The following CADM2 variants were observed in gnomAD, a reference collection of about 807,000 sequenced individuals.
The protein encoded by CADM2 is immunoglobulin superfamily member 4D.
In CADM2, 12 loss-of-function variants were observed where a neutral mutation model predicts 49.8. The observed-to-expected ratio is 0.24, with a 90% CI of 0.15 to 0.39. The LOEUF (loss-of-function observed/expected upper bound fraction) is 0.39, where lower values mean the gene tolerates loss of function less well. Ranked by LOEUF, CADM2 falls within the 10% of genes least tolerant of loss-of-function variation. The pLI is 1.00. For missense variants in CADM2, 378 were observed against 492.3 expected, an observed-to-expected ratio of 0.77 and a Z score of 2.20; for synonymous variants, 214 against 175.4, an observed-to-expected ratio of 1.22 and a Z score of -1.74.
chr3:86,023,850 A>T (rs1733527603), intron 8 of CADM2, among the ~76,000 whole-genome samples: 1 of 151,922 alleles, frequency 6.6e-6, no homozygotes, highest in Admixed American at 6.6e-5. Flanking sequence ...TCACTTCATC[A>T]CTCTGACATG....
rs1353574194 is a variant in CADM2 at position 84,959,244 on chromosome 3, A to G, written c.-364A>G. On this transcript the variant is annotated 5_prime_UTR_variant, in exon 1 of 10. Transcript: ENST00000383699. ...TGCAGCCCTCGCCCGCACCTTCTCC[A>G]ACACCCCGGCATCCCTGCACCACCT... is the stretch of plus-strand genomic sequence containing the variant. 3 of 381,628 alleles carry G rather than the reference A, an allele frequency of 7.9e-6. No individual in the cohort carries two copies. The South Asian group carries it at 8.7e-5, about 11-fold the overall frequency. The allele number at this position is 381,628 out of a possible 1,614,324, so 23.6% of individuals were successfully genotyped here.
At chr3:85,941,964 G>A (rs985788371) in intron 7 of CADM2, among the ~76,000 whole-genome samples, 5 of 151,976 alleles carry the variant, frequency 3.3e-5, no homozygotes, top group African/African-American at 4.8e-5. Flanking sequence ...TGCTGTAATC[G>A]TTTCAATTTT....
At chr3:85,394,711 A>C (rs918671642) in intron 1 of CADM2, among the ~76,000 whole-genome samples, 1 of 152,108 alleles carries the variant, frequency 6.6e-6, no homozygotes, top group African/African-American at 2.4e-5. Flanking sequence ...CATGATTTAG[A>C]TATTTATCAG....
intron 1 of CADM2, among the ~76,000 whole-genome samples, chr3:85,370,955 A>G (rs534035980): frequency 6.6e-6 from 1 of 152,018 alleles, no homozygotes; most frequent in Non-Finnish European, 1.5e-5. Flanking sequence ...ACAAAATGAA[A>G]CAAAAATTGT....
chr3:85,574,528 T>G (rs1456022517), intron 1 of CADM2, among the ~76,000 whole-genome samples: 1 of 152,150 alleles, frequency 6.6e-6, no homozygotes, highest in Non-Finnish European at 1.5e-5. Context: ...GGGCAAAAAG[T>G]GTTCCCTGGC....
chr3:85,738,348 C>G (rs118179953), intron 2 of CADM2, among the ~76,000 whole-genome samples: 1 of 152,150 alleles, frequency 6.6e-6, no homozygotes, highest in Non-Finnish European at 1.5e-5. Flanking sequence ...TAAAACATCA[C>G]TTTTCATGCA....
intron 1 of CADM2, among the ~76,000 whole-genome samples, chr3:85,163,381 A>T (rs1329292029): frequency 6.6e-6 from 1 of 152,134 alleles, no homozygotes; most frequent in Non-Finnish European, 1.5e-5. Context: ...TGGGCATCAG[A>T]AACATCGTGA....
intron 8 of CADM2, among the ~76,000 whole-genome samples, chr3:85,998,179 A>G (rs932793015): frequency 2.0e-5 from 3 of 152,156 alleles, no homozygotes; most frequent in Non-Finnish European, 4.4e-5. Context: ...AGAGAATCAT[A>G]GATACATAGA....
At chr3:85,530,914 A>ACAC (rs1559890350) in intron 1 of CADM2, among the ~76,000 whole-genome samples, 7 of 127,430 alleles carry the variant, frequency 5.5e-5, no homozygotes, top group East Asian at 2.3e-4. Context: ...ACACACACAC[A>ACAC]AAATTCATTA....
intron 8 of CADM2, among the ~76,000 whole-genome samples, chr3:86,016,290 A>G (rs936517747): frequency 3.3e-5 from 5 of 152,112 alleles, no homozygotes; most frequent in Non-Finnish European, 1.5e-5. Flanking sequence ...ACATCTACCT[A>G]TATCTTTTTA....
intron 6 of CADM2, among the ~76,000 whole-genome samples, chr3:85,929,210 G>A (rs1720292671): frequency 6.6e-6 from 1 of 151,976 alleles, no homozygotes; most frequent in Non-Finnish European, 1.5e-5. Flanking sequence ...TAGTAGAGCA[G>A]GAATAAATGT....
At chr3:85,586,473 G>A (rs945987632) in intron 1 of CADM2, among the ~76,000 whole-genome samples, 1 of 151,998 alleles carries the variant, frequency 6.6e-6, no homozygotes, top group Non-Finnish European at 1.5e-5. Context: ...AATTACAAGT[G>A]CAATATTTCA....
rs576226572 is a variant in CADM2, at chr3:85,422,706, G to A, written c.62-303816G>A. ...TTTTAGAGGTCATGTTGAAACGGGAGAGTTTCCTGACCCCCTTGTGAGATG... is the reference window on the plus strand; with the variant it reads ...TTTTAGAGGTCATGTTGAAACGGGAAAGTTTCCTGACCCCCTTGTGAGATG... On this transcript the variant is annotated intron_variant, in intron 1 of 9. Coordinates refer to ENST00000383699, the MANE Select transcript of CADM2 (RefSeq NM_001167675.2). Among the ~76,000 whole-genome samples, 7 of 152,236 alleles carry A rather than the reference G, an allele frequency of 4.6e-5. No homozygotes were observed. In the East Asian group the frequency reaches 1.4e-3, roughly 29 times the overall value.
chr3:85,350,423 C>T (rs1394520501), intron 1 of CADM2, among the ~76,000 whole-genome samples: 1 of 151,984 alleles, frequency 6.6e-6, no homozygotes, highest in Non-Finnish European at 1.5e-5. Flanking sequence ...TTGATTTATT[C>T]CTAGTTTACC....
At chr3:85,077,468 G>A (rs1214715710) in intron 1 of CADM2, among the ~76,000 whole-genome samples, 2 of 151,858 alleles carry the variant, frequency 1.3e-5, no homozygotes, top group African/African-American at 2.4e-5. Flanking sequence ...CTTGGTGTTT[G>A]TAATTTTGTA....
At chr3:85,592,339 C>A (rs1576884980) in intron 1 of CADM2, among the ~76,000 whole-genome samples, 1 of 151,886 alleles carries the variant, frequency 6.6e-6, no homozygotes, top group East Asian at 1.9e-4. Flanking sequence ...TGTACTCTTT[C>A]ACATCCACTG....
chr3:85,757,490 A>C (rs1425307253), intron 2 of CADM2, among the ~76,000 whole-genome samples: 2 of 152,130 alleles, frequency 1.3e-5, no homozygotes, highest in Non-Finnish European at 2.9e-5. Flanking sequence ...AGAGTGTGAT[A>C]AATGTTAGGT....
chr3:85,879,741 C>T (rs1487393742), intron 3 of CADM2, among the ~76,000 whole-genome samples: 1 of 152,130 alleles, frequency 6.6e-6, no homozygotes, highest in South Asian at 2.1e-4. Context: ...ACCCAAGGAA[C>T]AGCTGTAAAG....
chr3:85,040,088 G>T (rs1395699571), intron 1 of CADM2, among the ~76,000 whole-genome samples: 1 of 152,128 alleles, frequency 6.6e-6, no homozygotes, highest in African/African-American at 2.4e-5. Context: ...AGTATTCTGA[G>T]CCTACTAATA....
Sources: allele counts gnomAD v4.1 joint callset (sites outside exome capture counted in the v4.1 genomes callset), GRCh38; gene constraint gnomAD v4.1.1; transcripts MANE v1.5; gene names NCBI Gene and HGNC (gene_info 2026-07-23, HGNC 2026-07-21).